PTPRO: variants seen among roughly 807,000 people sequenced by gnomAD.
The protein encoded by PTPRO is protein tyrosine phosphatase receptor type O, also known as receptor-type tyrosine-protein phosphatase O.
In PTPRO, 62 loss-of-function variants were observed where a neutral mutation model predicts 145.2. The ratio of observed to expected loss-of-function variants is 0.43; its 90% CI spans 0.35 to 0.53. The LOEUF is 0.53. Among genes scored for constraint, PTPRO ranks in the 20% least tolerant of loss-of-function variants. The pLI, the probability that PTPRO is intolerant of heterozygous loss-of-function variation, is 0.01. For missense variants in PTPRO, 1,345 were observed against 1,482.7 expected, an observed-to-expected ratio of 0.91 and a Z score of 1.53; for synonymous variants, 565 against 514.7, an observed-to-expected ratio of 1.10 and a Z score of -1.32.
chr12:15,520,958 A>G (rs1942705554), intron 10 of PTPRO, among the ~76,000 whole-genome samples: 1 of 152,218 alleles, frequency 6.6e-6, no homozygotes, highest in Admixed American at 6.5e-5. Flanking sequence ...TTAAGCACTT[A>G]AAAAACAATT....
chr12:15,474,378 C>A (rs1184976630), intron 1 of PTPRO, among the ~76,000 whole-genome samples: 1 of 152,190 alleles, frequency 6.6e-6, no homozygotes, highest in Non-Finnish European at 1.5e-5. Context: ...AGGTCACAGG[C>A]TCCTGGGCTC....
At chr12:15,439,329 A>G (rs1940690505) in intron 1 of PTPRO, among the ~76,000 whole-genome samples, 1 of 152,344 alleles carries the variant, frequency 6.6e-6, no homozygotes, top group Non-Finnish European at 1.5e-5. Context: ...ACACTTAAGT[A>G]CATAGCCTGC....
intron 2 of PTPRO, 107 bp downstream of exon 2, chr12:15,484,354 T>G (rs953470245): frequency 8.0e-7 from 1 of 1,248,854 alleles, no homozygotes; most frequent in African/African-American, 1.5e-5. Flanking sequence ...ATCACTTGCC[T>G]TAATGCCAAG....
chr12:15,441,962 A>G (rs1447004433), intron 1 of PTPRO, among the ~76,000 whole-genome samples: 1 of 152,174 alleles, frequency 6.6e-6, no homozygotes, highest in Non-Finnish European at 1.5e-5. Context: ...CACCTATTTC[A>G]AAAAATCAAG....
chr12:15,411,791 T>A (rs972843229), intron 1 of PTPRO, among the ~76,000 whole-genome samples: 1 of 152,248 alleles, frequency 6.6e-6, no homozygotes, highest in Admixed American at 6.5e-5. Context: ...TTCAAGAGTT[T>A]AATCCTCACA....
chr12:15,393,089 A>G (rs992802464), intron 1 of PTPRO, among the ~76,000 whole-genome samples: 1 of 152,158 alleles, frequency 6.6e-6, no homozygotes, highest in Admixed American at 6.5e-5. Flanking sequence ...CAAAACTCAG[A>G]TCATGTTTTC....
At chr12:15,569,350 A>G (rs1206288102) in intron 18 of PTPRO, 67 bp from the exon 19 acceptor site, 3 of 1,315,052 alleles carry the variant, frequency 2.3e-6, no homozygotes, top group Non-Finnish European at 3.3e-6. Flanking sequence ...GTATGATATT[A>G]AACAATATAT....
intron 25 of PTPRO, among the ~76,000 whole-genome samples, chr12:15,592,626 T>C (rs1245818919): frequency 6.6e-6 from 1 of 152,224 alleles, no homozygotes; most frequent in Non-Finnish European, 1.5e-5. Flanking sequence ...TTAGAAAGAA[T>C]GCCAGACCCT....
chr12:15,538,377 A>G (rs749407555), intron 12 of PTPRO, among the ~76,000 whole-genome samples: 5 of 152,026 alleles, frequency 3.3e-5, no homozygotes, highest in Non-Finnish European at 5.9e-5. Flanking sequence ...GGTGCGCACC[A>G]CCACGCCTGG....
chr12:15,551,095 T>C (rs1591720032), intron 14 of PTPRO, among the ~76,000 whole-genome samples: 1 of 152,210 alleles, frequency 6.6e-6, no homozygotes, highest in Admixed American at 6.5e-5. Context: ...GTCTTTTTGA[T>C]ATACATTATT....
At chr12:15,530,301 C>T (rs556060389) in intron 12 of PTPRO, among the ~76,000 whole-genome samples, 2 of 152,168 alleles carry the variant, frequency 1.3e-5, no homozygotes, top group African/African-American at 4.8e-5. Context: ...ACACCCCACT[C>T]TCAGTAACGT....
intron 1 of PTPRO, among the ~76,000 whole-genome samples, chr12:15,432,870 T>G (rs1940482916): frequency 6.6e-6 from 1 of 152,220 alleles, no homozygotes; most frequent in African/African-American, 2.4e-5. Flanking sequence ...GCTTGTAAAT[T>G]TAAGTTCCTT....
chr12:15,433,133 C>T (rs1940492680), intron 1 of PTPRO, among the ~76,000 whole-genome samples: 1 of 148,406 alleles, frequency 6.7e-6, no homozygotes, highest in Admixed American at 6.7e-5. Context: ...CAGGATGGTA[C>T]TGCCTAGGTT....
At chr12:15,355,209 A>T (rs932578685) in intron 1 of PTPRO, among the ~76,000 whole-genome samples, 1 of 152,216 alleles carries the variant, frequency 6.6e-6, no homozygotes, top group African/African-American at 2.4e-5. Context: ...TGGGTTGAAT[A>T]TCTGTTCCTC....
intron 7 of PTPRO, among the ~76,000 whole-genome samples, chr12:15,510,232 A>G (rs1166158873): frequency 6.6e-6 from 1 of 152,214 alleles, no homozygotes; most frequent in Non-Finnish European, 1.5e-5. Context: ...TTGGAGCACT[A>G]GAAAGCCATA....
intron 1 of PTPRO, among the ~76,000 whole-genome samples, chr12:15,391,589 C>T (rs1175018691): frequency 6.6e-6 from 1 of 152,210 alleles, no homozygotes; most frequent in Non-Finnish European, 1.5e-5. Flanking sequence ...CATTGCATCT[C>T]ACCAATCCTA....
At chr12:15,580,244 T>A (rs1944281311) in intron 21 of PTPRO, 129 bp downstream of exon 21, 2 of 728,822 alleles carry the variant, frequency 2.7e-6, no homozygotes, top group South Asian at 3.2e-5. Flanking sequence ...TCTAAAAAGT[T>A]TGCATTACTC....
intron 2 of PTPRO, among the ~76,000 whole-genome samples, chr12:15,490,644 T>A (rs774857309): frequency 6.6e-6 from 1 of 152,140 alleles, no homozygotes; most frequent in Non-Finnish European, 1.5e-5. Context: ...ATATGTAATA[T>A]TGGGATAATT....
intron 1 of PTPRO, among the ~76,000 whole-genome samples, chr12:15,482,819 G>A (rs1019713216): frequency 5.3e-5 from 8 of 152,084 alleles, no homozygotes; most frequent in Non-Finnish European, 1.2e-4. Flanking sequence ...TCAGTGTTAG[G>A]ACAGTAAGTT....
Sources: gnomAD v4.1 joint callset for allele counts (sites outside exome capture counted in the v4.1 genomes callset) on GRCh38, gnomAD v4.1.1 for gene constraint, MANE v1.5 for transcripts, NCBI Gene and HGNC (gene_info 2026-07-23, HGNC 2026-07-21) for gene names.